The following LCAT variants were observed in gnomAD, a reference collection of about 807,000 sequenced individuals.
The protein encoded by LCAT is lecithin-cholesterol acyltransferase, also known as phosphatidylcholine-sterol acyltransferase.
Under a neutral mutation model 41.0 loss-of-function variants are expected in LCAT, and 15 were observed. That is an observed-to-expected ratio of 0.37 (90% CI 0.24 to 0.56). The LOEUF is 0.56. Among genes scored for constraint, LCAT ranks in the 20% least tolerant of loss-of-function variants. The pLI, the probability that LCAT is intolerant of heterozygous loss-of-function variation, is 0.81. For missense variants in LCAT, 449 were observed against 595.1 expected, an observed-to-expected ratio of 0.75 and a Z score of 2.55; for synonymous variants, 248 against 245.4, an observed-to-expected ratio of 1.01 and a Z score of -0.10.
chr16:67,942,260 A>G lies in LCAT; in HGVS notation c.748+103T>C. On this transcript the variant is annotated intron_variant, in intron 5 of 5. Transcript: ENST00000264005. The surrounding 1 kb of genome is among the most constrained non-coding windows in gnomAD (Gnocchi z 6.6). ...GCATGCCAGCCCAGGAGTGGTAGATAGCACCCCTAGAGGCCACTGTGAGCA... is the reference window on the plus strand; with the variant it reads ...GCATGCCAGCCCAGGAGTGGTAGATGGCACCCCTAGAGGCCACTGTGAGCA... 1 of 1,351,322 alleles carries G rather than the reference A, an allele frequency of 7.4e-7. No individual in the cohort carries two copies. 83.7% of individuals were successfully genotyped at this position (1,351,322 alleles called of 1,614,324 possible). A position where few individuals can be genotyped will look rare whatever the true frequency, so the allele number is the denominator to read the frequency against.
chr16:67,940,325 T>C lies in LCAT; in HGVS notation c.902A>G (p.Asp301Gly). 6.2e-7 allele frequency: 1 copy of C among 1,614,128 alleles called. No individual in the cohort carries two copies. The highest frequency in any genetic ancestry group is 8.5e-7 in the Non-Finnish European group (1 of 1,180,030). ...CAGGTCTGCAAAGAAGCGTTGGAAG[T>C]CACGGCCTGTGTAGTTGAAGCTGGG... is the stretch of plus-strand genomic sequence containing the variant. ...STPSFNYTGR[D>G]FQRFFADLHF... Residue 301 changes from aspartate (D) to glycine (G), a missense_variant, in exon 6 of 6, where the codon GAC (aspartate) becomes GGC (glycine). Coordinates refer to ENST00000264005, the MANE Select transcript of LCAT (RefSeq NM_000229.2).
At chr16:67,940,546 T>A in intron 5 of LCAT, 68 bp from the exon 6 acceptor site, 1 of 1,599,692 alleles carries the variant, frequency 6.3e-7, no homozygotes, top group Non-Finnish European at 8.5e-7. Flanking sequence ...ACCTGCTGAG[T>A]GTAGGCTCAG....
rs1211248313 is a variant in LCAT at position 67,942,912 on chromosome 16, C to T, written c.376G>A (p.Gly126Ser). 6.2e-7 allele frequency: 1 copy of T among 1,613,908 alleles called. No individual in the cohort carries two copies. The highest frequency in any genetic ancestry group is 1.1e-5 in the South Asian group (1 of 91,084). ...NAPGVQIRVPGFGKTYSVEYL... is the reference protein window; with the variant it reads ...NAPGVQIRVPSFGKTYSVEYL... ...TCCACAGAGTAGGTCTTGCCAAAGCCAGGGACGCGGATCTGGACACCAGGG... is the reference window on the plus strand; with the variant it reads ...TCCACAGAGTAGGTCTTGCCAAAGCTAGGGACGCGGATCTGGACACCAGGG... The change falls in exon 3 of 6, where the codon GGC (glycine) becomes AGC (serine). Residue 126 changes from glycine (G) to serine (S), a missense_variant. Transcript: ENST00000264005. This position sits in a 1 kb window ranked among gnomAD's most constrained non-coding sequence, Gnocchi z 6.6.
At position 67,940,433 on chromosome 16, in the gene LCAT, T is replaced by C; in HGVS notation, c.794A>G (p.Glu265Gly). Residue 265 changes from glutamate to glycine, a missense_variant, in exon 6 of 6, where the codon GAG becomes GGG. By Grantham distance (98) the Glu-to-Gly change is moderately conservative. Coordinates refer to ENST00000264005, the MANE Select transcript of LCAT (RefSeq NM_000229.2). ...IPIMSSIKLK[E>G]EQRITTTSPW... ...GGAGGTGGTGGTTATGCGCTGCTCC[T>C]CTTTCAGCTTGATGCTGGACATGAT... The C allele has an allele frequency of 6.2e-7, 1 of 1,614,108 alleles. No individual in the cohort carries two copies. Among genetic ancestry groups the C allele is most frequent in the Non-Finnish European group, 8.5e-7 (1 of 1,180,020 alleles).
rs779771052 is a variant in LCAT, at chr16:67,942,985, CG to C, written c.312-10del. 2.5e-4 allele frequency: 403 copies of C among 1,613,502 alleles called. 1 individual carries two copies. Among genetic ancestry groups the C allele is most frequent in the Non-Finnish European group, 2.8e-4 (328 of 1,179,902 alleles). On this transcript the variant is annotated splice_polypyrimidine_tract_variant and intron_variant, in intron 2 of 5. Coordinates refer to ENST00000264005, the MANE Select transcript of LCAT (RefSeq NM_000229.2). The surrounding 1 kb of genome is among the most constrained non-coding windows in gnomAD (Gnocchi z 6.6). ...TCCGGTTGTAGACAACCCTGCGGGG[CG>C]GGGGTGCCACTCAGCAGCCAGTAGC...
chr16:67,942,413 A>T lies in LCAT; in HGVS notation c.698T>A (p.Leu233His). The change falls in exon 5 of 6, where the codon CTT (leucine) becomes CAT (histidine). Residue 233 changes from leucine (L) to histidine (H), a missense_variant. Coordinates refer to ENST00000264005, the MANE Select transcript of LCAT (RefSeq NM_000229.2). This position sits in a 1 kb window ranked among gnomAD's most constrained non-coding sequence, Gnocchi z 6.6. ...KDRFIDGFIS[L>H]GAPWGGSIKP... ...GATGGAGCCACCCCAGGGAGCCCCAAGAGAGATGAAGCCATCAATAAAGCG... is the reference window on the plus strand; with the variant it reads ...GATGGAGCCACCCCAGGGAGCCCCATGAGAGATGAAGCCATCAATAAAGCG... 1 of 1,613,982 alleles carries T rather than the reference A, an allele frequency of 6.2e-7. No individual in the cohort carries two copies. The highest frequency in any genetic ancestry group is 8.5e-7 in the Non-Finnish European group (1 of 1,179,998).
rs2058303323 is a variant in LCAT at position 67,943,269 on chromosome 16, G to A, written c.155-57C>T. 89 of 1,523,126 alleles carry A rather than the reference G, an allele frequency of 5.8e-5. No homozygotes were observed. The highest frequency in any genetic ancestry group is 1.0e-4 in the South Asian group (9 of 88,632). The allele number at this position is 1,523,126 out of a possible 1,614,324, so 94.4% of individuals were successfully genotyped here. A position where few individuals can be genotyped will look rare whatever the true frequency, so the allele number is the denominator to read the frequency against. On this transcript the variant is annotated intron_variant, in intron 1 of 5. Coordinates refer to ENST00000264005, the MANE Select transcript of LCAT (RefSeq NM_000229.2). This position sits in a 1 kb window ranked among gnomAD's most constrained non-coding sequence, Gnocchi z 4.6. ...GATTCCCCCCGTGACCCTTACCCCC[G>A]TCACCCCAGATGCTGCAGTGACCAG...
Position 67,943,923 on chromosome 16 carries a change from C to T in LCAT, c.154+25G>A, listed in dbSNP as rs1307332866. Reference sequence around the variant, plus strand: ...AGGCTCCCCAGGGTCTGGCGTGGTGCATCAGGGGCCTGGTGGGGGCTTACC... The same window carrying T: ...AGGCTCCCCAGGGTCTGGCGTGGTGTATCAGGGGCCTGGTGGGGGCTTACC... On this transcript the variant is annotated intron_variant, in intron 1 of 5. Transcript: ENST00000264005. This position sits in a 1 kb window ranked among gnomAD's most constrained non-coding sequence, Gnocchi z 4.6. 3 of 1,534,928 alleles carry T rather than the reference C, an allele frequency of 2.0e-6. No individual in the cohort carries two copies. In the South Asian group the frequency reaches 3.7e-5, roughly 19 times the overall value.
In LCAT at chr16:67,942,672, G is replaced by A. The variant is rs756457746; in HGVS notation, c.522C>T (p.Pro174=). 13 of 1,612,806 alleles carry A rather than the reference G, an allele frequency of 8.1e-6. No individual in the cohort carries two copies. The highest frequency in any genetic ancestry group is 4.5e-5 in the East Asian group (2 of 44,880). The stretch of plus-strand genomic sequence containing the variant: ...CCGGTCATCCGCAGAGACACTCACC[G>A]GGCTCCAGCCGCCAGTCATAGGGGG... The part of the protein sequence containing the change: ...RAAPYDWRLE[P]GQQEEYYRKL... The change falls in exon 4 of 6, where the codon CCC becomes CCT. Residue 174 remains proline, a splice_region_variant and synonymous_variant. Transcript: ENST00000264005. This position sits in a 1 kb window ranked among gnomAD's most constrained non-coding sequence, Gnocchi z 6.6.
In LCAT at chr16:67,940,037, T is replaced by A; in HGVS notation, c.1190A>T (p.His397Leu). The A allele has an allele frequency of 1.2e-6, 2 of 1,613,548 alleles. No individual in the cohort carries two copies. The highest frequency in any genetic ancestry group is 1.7e-6 in the Non-Finnish European group (2 of 1,180,028). Residue 397 changes from histidine (H) to leucine (L), a missense_variant, in exon 6 of 6, where the codon CAC (histidine) becomes CTC (leucine). Physicochemically the swap from His to Leu is moderately conservative, Grantham distance 99. Coordinates refer to ENST00000264005, the MANE Select transcript of LCAT (RefSeq NM_000229.2). ...QPQPVHLLPLHGIQHLNMVFS... is the reference protein window; with the variant it reads ...QPQPVHLLPLLGIQHLNMVFS... ...GACCATGTTGAGATGCTGTATCCCG[T>A]GCAGGGGCAGCAGGTGCACAGGCTG...
Position 67,940,216 on chromosome 16 carries a change from A to G in LCAT, c.1011T>C (p.Cys337=), listed in dbSNP as rs1281188086. 5 of 1,613,090 alleles carry G rather than the reference A, an allele frequency of 3.1e-6. No individual in the cohort carries two copies. Among genetic ancestry groups the G allele is most frequent in the Non-Finnish European group, 3.4e-6 (4 of 1,179,994 alleles). Residue 337 remains cysteine (C), a synonymous_variant, in exon 6 of 6, where the codon TGT becomes TGC. Coordinates refer to ENST00000264005, the MANE Select transcript of LCAT (RefSeq NM_000229.2). Reference sequence around the variant, plus strand: ...GCGTGGGCAGGCCCACGCCGTAAAGACAGTATACTTCCACACCAGGTGCTG... The same window carrying G: ...GCGTGGGCAGGCCCACGCCGTAAAGGCAGTATACTTCCACACCAGGTGCTG... ...GLPAPGVEVY[C]LYGVGLPTPR...
At position 67,942,255 on chromosome 16, in the gene LCAT, T is replaced by C. The variant is rs926953250; in HGVS notation, c.748+108A>G. ...AGCAAGCATGCCAGCCCAGGAGTGG[T>C]AGATAGCACCCCTAGAGGCCACTGT... is the stretch of plus-strand genomic sequence containing the variant. On this transcript the variant is annotated intron_variant, in intron 5 of 5. Transcript: ENST00000264005. This position sits in a 1 kb window ranked among gnomAD's most constrained non-coding sequence, Gnocchi z 6.6. The C allele has an allele frequency of 3.5e-5, 47 of 1,332,442 alleles. No homozygotes were observed. The African/African-American group carries it at 4.1e-4, about 11-fold the overall frequency. The allele number at this position is 1,332,442 out of a possible 1,614,324, so 82.5% of individuals were successfully genotyped here.
At chr16:67,941,872 C>A in intron 5 of LCAT, 2 of 1,092,270 alleles carry the variant, frequency 1.8e-6, no homozygotes, top group Non-Finnish European at 2.2e-6. Context: ...GACTGTGTTT[C>A]TCTCTCCAGA....
In LCAT at chr16:67,942,490, G is replaced by A. The variant is rs370602125; in HGVS notation, c.621C>T (p.Gly207=). Residue 207 remains glycine (G), a synonymous_variant, in exon 5 of 6, where the codon GGC becomes GGT. Transcript: ENST00000264005. This position sits in a 1 kb window ranked among gnomAD's most constrained non-coding sequence, Gnocchi z 6.6. ...KPVFLIGHSL[G]CLHLLYFLLR... The stretch of plus-strand genomic sequence containing the variant: ...GCAGGAAATAGAGCAAGTGTAGACA[G>A]CCGAGGCTGTGGCCAATGAGGAAGA... 1 of 1,613,664 alleles carries A rather than the reference G, an allele frequency of 6.2e-7. No homozygotes were observed. Among genetic ancestry groups the A allele is most frequent in the African/African-American group, 1.3e-5 (1 of 74,934 alleles).
In LCAT at chr16:67,942,963, G is replaced by A. The variant is rs751636804; in HGVS notation, c.325C>T (p.Arg109Trp). Residue 109 changes from arginine (R) to tryptophan (W), a missense_variant, in exon 3 of 6, where the codon CGG becomes TGG. By Grantham distance (101) the Arg-to-Trp change is moderately radical. Coordinates refer to ENST00000264005, the MANE Select transcript of LCAT (RefSeq NM_000229.2). The surrounding 1 kb of genome is among the most constrained non-coding windows in gnomAD (Gnocchi z 6.6). ...GCGTTGGACACGAGCCCAGAGCTCC[G>A]GTTGTAGACAACCCTGCGGGGCGGG... ...WIDNTRVVYN[R>W]SSGLVSNAPG... 5 of 1,613,740 alleles carry A rather than the reference G, an allele frequency of 3.1e-6. No homozygotes were observed. Among genetic ancestry groups the A allele is most frequent in the South Asian group, 2.2e-5 (2 of 91,082 alleles).
In LCAT at chr16:67,939,898, A is replaced by C. The variant is rs776737218; in HGVS notation, c.*6T>G. ...CATCAGGGCTTACGGTAGCAAAGGA[A>C]GGTCTTTATTCAGGAGGCGGGGGCT... is the stretch of plus-strand genomic sequence containing the variant. On this transcript the variant is annotated 3_prime_UTR_variant, in exon 6 of 6. Coordinates refer to ENST00000264005, the MANE Select transcript of LCAT (RefSeq NM_000229.2). 3.7e-6 allele frequency: 6 copies of C among 1,610,016 alleles called. No individual in the cohort carries two copies. Among genetic ancestry groups the C allele is most frequent in the Non-Finnish European group, 5.1e-6 (6 of 1,177,552 alleles).
At position 67,940,286 on chromosome 16, in the gene LCAT, C is replaced by T; in HGVS notation, c.941G>A (p.Gly314Asp). ...RFFADLHFEEGWYMWLQSRDL... is the reference protein window; with the variant it reads ...RFFADLHFEEDWYMWLQSRDL... Reference sequence around the variant, plus strand: ...ACGTGACTGCAGCCACATGTACCAGCCTTCCTCAAAGTGCAGGTCTGCAAA... The same window carrying T: ...ACGTGACTGCAGCCACATGTACCAGTCTTCCTCAAAGTGCAGGTCTGCAAA... The change falls in exon 6 of 6, where the codon GGC (glycine) becomes GAC (aspartate). Residue 314 changes from glycine (G) to aspartate (D), a missense_variant. By Grantham distance (94) the Gly-to-Asp change is moderately conservative (BLOSUM62 -1). Transcript: ENST00000264005. The T allele has an allele frequency of 6.2e-7, 1 of 1,614,090 alleles. No individual in the cohort carries two copies. The highest frequency in any genetic ancestry group is 8.5e-7 in the Non-Finnish European group (1 of 1,180,024).
rs751874916 is a variant in LCAT at position 67,942,519 on chromosome 16, G to A, written c.592C>T (p.Pro198Ser). The A allele has an allele frequency of 1.2e-6, 2 of 1,613,712 alleles. No individual in the cohort carries two copies. The highest frequency in any genetic ancestry group is 1.7e-6 in the Non-Finnish European group (2 of 1,179,994). Residue 198 changes from proline to serine, a missense_variant, in exon 5 of 6, where the codon CCT becomes TCT. Physicochemically the swap from Pro to Ser is moderately conservative, Grantham distance 74. Coordinates refer to ENST00000264005, the MANE Select transcript of LCAT (RefSeq NM_000229.2). The surrounding 1 kb of genome is among the most constrained non-coding windows in gnomAD (Gnocchi z 6.6). Reference protein sequence around the residue: ...VEEMHAAYGKPVFLIGHSLGC... With the variant: ...VEEMHAAYGKSVFLIGHSLGC... ...AGGCTGTGGCCAATGAGGAAGACAG[G>A]CTTCCCATAGGCAGCGTGCATCTCC...
At position 67,939,891 on chromosome 16, in the gene LCAT, C is replaced by T; in HGVS notation, c.*13G>A. 6.2e-7 allele frequency: 1 copy of T among 1,609,018 alleles called. No individual in the cohort carries two copies. Among genetic ancestry groups the T allele is most frequent in the Non-Finnish European group, 8.5e-7 (1 of 1,176,932 alleles). ...ACATAGCCATCAGGGCTTACGGTAG[C>T]AAAGGAAGGTCTTTATTCAGGAGGC... On this transcript the variant is annotated 3_prime_UTR_variant, in exon 6 of 6. Transcript: ENST00000264005.
Sources: gnomAD v4.1 joint callset for allele counts on GRCh38, gnomAD v4.1.1 for gene constraint, Gnocchi (gnomAD v3.1) non-coding constraint, MANE v1.5 for transcripts, NCBI Gene and HGNC (gene_info 2026-07-23, HGNC 2026-07-21) for gene names.